Variants in CNTN5 observed in about 807,000 individuals in gnomAD.
The protein encoded by CNTN5 is contactin-5.
CNTN5 carries 77 observed loss-of-function variants against 129.1 expected under a neutral mutation model. The observed-to-expected ratio is 0.60, with a 90% CI of 0.50 to 0.72. The LOEUF is 0.72. Among genes scored for constraint, CNTN5 ranks in the 30% least tolerant of loss-of-function variants. The pLI, the probability that CNTN5 is intolerant of heterozygous loss-of-function variation, is 0.00. For missense variants in CNTN5, 1,478 were observed against 1,328.8 expected (o/e 1.11, Z -1.75); for synonymous variants, 509 against 465.6 (o/e 1.09, Z -1.20).
intron 2 of CNTN5, among the ~76,000 whole-genome samples, chr11:99,432,590 T>A (rs564335214): frequency 6.6e-6 from 1 of 151,898 alleles, no homozygotes; most frequent in African/African-American, 2.4e-5. Context: ...ATACAAACAG[T>A]CATAATATCT....
intron 10 of CNTN5, among the ~76,000 whole-genome samples, chr11:100,069,660 T>G (rs1408009429): frequency 6.6e-6 from 1 of 152,168 alleles, no homozygotes; most frequent in African/African-American, 2.4e-5. Context: ...GTAGCACATA[T>G]AAATATTTTA....
intron 8 of CNTN5, among the ~76,000 whole-genome samples, chr11:99,985,832 G>A (rs1476380114): frequency 6.6e-6 from 1 of 152,126 alleles, no homozygotes; most frequent in African/African-American, 2.4e-5. Flanking sequence ...ATGTCTTGGT[G>A]ATAACCATAT....
chr11:99,072,681 CT>C (rs1048418001), intron 1 of CNTN5, among the ~76,000 whole-genome samples: 5 of 151,988 alleles, frequency 3.3e-5, no homozygotes, highest in African/African-American at 9.7e-5. Context: ...CTTACTGAAT[CT>C]TTTTTTAGCT....
intron 24 of CNTN5, among the ~76,000 whole-genome samples, chr11:100,354,448 G>A (rs1398534855): frequency 2.0e-5 from 3 of 151,592 alleles, no homozygotes; most frequent in African/African-American, 7.3e-5. Flanking sequence ...CCTCTCCTGG[G>A]TATAAGAAAG....
chr11:99,371,325 A>G (rs1328753156), intron 2 of CNTN5, among the ~76,000 whole-genome samples: 1 of 152,032 alleles, frequency 6.6e-6, no homozygotes, highest in Non-Finnish European at 1.5e-5. Flanking sequence ...TATACTATAT[A>G]TATGAAATAA....
At chr11:100,023,178 T>G (rs1941249651) in intron 9 of CNTN5, among the ~76,000 whole-genome samples, 1 of 152,210 alleles carries the variant, frequency 6.6e-6, no homozygotes, top group South Asian at 2.1e-4. Context: ...TGTGATCATT[T>G]TTCATCGCTT....
intron 3 of CNTN5, among the ~76,000 whole-genome samples, chr11:99,557,249 T>C (rs1195487917): frequency 1.3e-5 from 2 of 151,322 alleles, no homozygotes; most frequent in Non-Finnish European, 3.0e-5. Flanking sequence ...TATAAATACA[T>C]ACATGTTCCA....
chr11:99,035,388 T>A (rs1275617642), intron 1 of CNTN5, among the ~76,000 whole-genome samples: 2 of 152,166 alleles, frequency 1.3e-5, no homozygotes. Context: ...TCTCCCACTG[T>A]TAATGCGTGG....
chr11:100,011,856 G>T (rs1940555154), intron 9 of CNTN5, among the ~76,000 whole-genome samples: 1 of 152,108 alleles, frequency 6.6e-6, no homozygotes, highest in South Asian at 2.1e-4. Flanking sequence ...GGCTGCTCTT[G>T]TGTCCCATTG....
chr11:99,244,714 G>C (rs1370777316), intron 1 of CNTN5, among the ~76,000 whole-genome samples: 2 of 152,120 alleles, frequency 1.3e-5, no homozygotes, highest in Admixed American at 1.3e-4. Context: ...TGCAAAATCA[G>C]ACTTTTTGGT....
intron 1 of CNTN5, among the ~76,000 whole-genome samples, chr11:99,229,528 C>CA (rs72050463): frequency 0.67 from 76,572 of 114,040 alleles, 21,796 homozygotes; most frequent in Non-Finnish European, 0.71. Context: ...CAATTTTAGA[C>CA]AAAAAAAAAA....
intron 2 of CNTN5, among the ~76,000 whole-genome samples, chr11:99,503,113 C>A (rs969696939): frequency 1.3e-5 from 2 of 152,104 alleles, no homozygotes; most frequent in East Asian, 1.9e-4. Context: ...TGCAGTTTGA[C>A]AAATATGGTT....
intron 9 of CNTN5, among the ~76,000 whole-genome samples, chr11:100,002,359 T>C (rs1939929286): frequency 6.6e-6 from 1 of 152,052 alleles, no homozygotes; most frequent in African/African-American, 2.4e-5. Context: ...TATTTTAACA[T>C]AAAAAAACTT....
chr11:99,735,318 C>T (rs1213902810), intron 3 of CNTN5, among the ~76,000 whole-genome samples: 1 of 152,162 alleles, frequency 6.6e-6, no homozygotes, highest in Non-Finnish European at 1.5e-5. Flanking sequence ...TTTAACTCCT[C>T]TACTTTGATA....
intron 2 of CNTN5, among the ~76,000 whole-genome samples, chr11:99,486,684 A>G (rs925098236): frequency 6.6e-6 from 1 of 152,138 alleles, no homozygotes; most frequent in African/African-American, 2.4e-5. Flanking sequence ...TTTAGAAACT[A>G]TTTCTTTCAA....
chr11:99,845,822 T>C (rs887747624), intron 6 of CNTN5, among the ~76,000 whole-genome samples: 2 of 152,158 alleles, frequency 1.3e-5, no homozygotes, highest in Non-Finnish European at 2.9e-5. Context: ...ACTTTTTATG[T>C]GTTATTTTCA....
rs189160986 is a variant in CNTN5 at position 99,547,855 on chromosome 11, G to T, written c.-70-8290G>T. Among the ~76,000 whole-genome samples, 4 of 152,186 alleles carry T rather than the reference G, an allele frequency of 2.6e-5. No individual in the cohort carries two copies. In the South Asian group the frequency reaches 6.2e-4, roughly 24 times the overall value. On this transcript the variant is annotated intron_variant, in intron 2 of 24. Coordinates refer to ENST00000524871, the MANE Select transcript of CNTN5 (RefSeq NM_014361.4). The stretch of plus-strand genomic sequence containing the variant: ...GTTCAGTGTGTTGGTTAAAGACATG[G>T]CTTCTGGAGTTAGACTGTCTAGATA...
intron 1 of CNTN5, among the ~76,000 whole-genome samples, chr11:99,158,007 T>C (rs138584401): frequency 6.6e-6 from 1 of 152,156 alleles, no homozygotes. Flanking sequence ...CTTTGTGTTA[T>C]GCTAAATAAT....
intron 13 of CNTN5, among the ~76,000 whole-genome samples, chr11:100,083,159 T>C (rs1944424207): frequency 6.6e-6 from 1 of 151,706 alleles, no homozygotes; most frequent in African/African-American, 2.4e-5. Context: ...CTACTAAAAA[T>C]ACAAAAAATT....
Sources: allele counts gnomAD v4.1 joint callset (sites outside exome capture counted in the v4.1 genomes callset), GRCh38; gene constraint gnomAD v4.1.1; transcripts MANE v1.5; gene names NCBI Gene and HGNC (gene_info 2026-07-23, HGNC 2026-07-21).